Variants in LAMP1 observed in about 807,000 individuals in gnomAD.
The protein encoded by LAMP1 is lysosome-associated membrane glycoprotein 1.
Under a neutral mutation model 37.5 loss-of-function variants are expected in LAMP1, and 7 were observed. That is an observed-to-expected ratio of 0.19 (90% CI 0.11 to 0.35). LAMP1 has a LOEUF of 0.35. Among genes scored for constraint, LAMP1 ranks in the 10% least tolerant of loss-of-function variants. LAMP1 has a pLI of 1.00. For synonymous variants in LAMP1, 236 were observed against 229.1 expected, an observed-to-expected ratio of 1.03 and a Z score of -0.27; for missense variants, 537 against 552.8, an observed-to-expected ratio of 0.97 and a Z score of 0.29.
At chr13:113,315,482 C>T (rs569772435) in intron 4 of LAMP1, among the ~76,000 whole-genome samples, 4 of 150,188 alleles carry the variant, frequency 2.7e-5, no homozygotes, top group East Asian at 4.0e-4. Context: ...CTCTGCCTCC[C>T]GGGTTCAAGC....
At chr13:113,301,948 C>T (rs1250582742) in intron 1 of LAMP1, among the ~76,000 whole-genome samples, 1 of 148,988 alleles carries the variant, frequency 6.7e-6, no homozygotes, top group African/African-American at 2.5e-5. Flanking sequence ...CTGCAAGCTC[C>T]GCCTCCCAGG....
chr13:113,302,554 G>A (rs886314067), intron 1 of LAMP1, among the ~76,000 whole-genome samples: 10 of 152,240 alleles, frequency 6.6e-5, no homozygotes, highest in Non-Finnish European at 1.5e-4. Context: ...AATGTCAAAA[G>A]CGAGTATTTC....
chr13:113,302,198 T>A (rs190066341), intron 1 of LAMP1, among the ~76,000 whole-genome samples: 151 of 151,994 alleles, frequency 9.9e-4, no homozygotes, highest in African/African-American at 3.4e-3. Flanking sequence ...TTTTTTCTTC[T>A]TTTTTTGAGA....
At chr13:113,310,234 TAAA>T (rs1203686294) in intron 3 of LAMP1, among the ~76,000 whole-genome samples, 2 of 139,822 alleles carry the variant, frequency 1.4e-5, no homozygotes, top group African/African-American at 5.4e-5. Flanking sequence ...CTCTAAAAAA[TAAA>T]AAACACACAG....
intron 1 of LAMP1, among the ~76,000 whole-genome samples, chr13:113,303,759 G>T (rs961741671): frequency 1.3e-5 from 2 of 152,102 alleles, no homozygotes; most frequent in Admixed American, 1.3e-4. Context: ...TTATTTAAAT[G>T]ATATTTCTTT....
chr13:113,311,530 T>C (rs1337394028), intron 4 of LAMP1, among the ~76,000 whole-genome samples: 2 of 152,134 alleles, frequency 1.3e-5, no homozygotes, highest in Non-Finnish European at 2.9e-5. Flanking sequence ...CACAGAGACA[T>C]AGTCTTATCT....
intron 4 of LAMP1, among the ~76,000 whole-genome samples, chr13:113,315,158 C>T (rs1244965835): frequency 4.3e-5 from 5 of 115,896 alleles, no homozygotes; most frequent in Admixed American, 9.0e-5. Context: ...CGGAGATGCC[C>T]GTGTGCCTGG....
chr13:113,313,748 GAGTC>G (rs1306022821), intron 4 of LAMP1, among the ~76,000 whole-genome samples: 1 of 119,390 alleles, frequency 8.4e-6, no homozygotes, highest in East Asian at 2.7e-4. Context: ...CTCCTGGAGG[GAGTC>G]AGTGTGGAGA....
chr13:113,322,177 G>A, intron 8 of LAMP1, 105 bp from the exon 9 acceptor site: 1 of 1,311,092 alleles, frequency 7.6e-7, no homozygotes, highest in Non-Finnish European at 1.0e-6. Context: ...TTCCGCCAGG[G>A]TTCCTCTTTG....
In LAMP1 at chr13:113,321,590, G is replaced by T. The variant is rs767455348; in HGVS notation, c.977G>T (p.Arg326Leu). The T allele has an allele frequency of 1.2e-6, 2 of 1,614,100 alleles. No individual in the cohort carries two copies. Among genetic ancestry groups the T allele is most frequent in the South Asian group, 2.2e-5 (2 of 91,068 alleles). The stretch of plus-strand genomic sequence containing the variant: ...TTTAAAGCTGCCAACGGCTCCCTGC[G>T]AGCGCTGCAGGCCACAGTCGGCAAT... Reference protein sequence around the residue: ...PAFKAANGSLRALQATVGNSY... With the variant: ...PAFKAANGSLLALQATVGNSY... Residue 326 changes from arginine (R) to leucine (L), a missense_variant, in exon 8 of 9, where the codon CGA (arginine) becomes CTA (leucine). By Grantham distance (102) the Arg-to-Leu change is moderately radical. Coordinates refer to ENST00000332556, the MANE Select transcript of LAMP1 (RefSeq NM_005561.4). This position sits in a 1 kb window ranked among gnomAD's most constrained non-coding sequence, Gnocchi z 5.6.
chr13:113,315,989 C>G (rs549193932), intron 4 of LAMP1, among the ~76,000 whole-genome samples: 20 of 152,132 alleles, frequency 1.3e-4, no homozygotes, highest in African/African-American at 4.6e-4. Context: ...TGTAGTCCCC[C>G]CTACTCAGGA....
rs1342764825 is a variant in LAMP1, at chr13:113,323,379, C to T, written c.*958C>T. The T allele has an allele frequency of 1.3e-5, 2 of 152,010 alleles. No individual in the cohort carries two copies. Among genetic ancestry groups the T allele is most frequent in the African/African-American group, 4.8e-5 (2 of 41,366 alleles). 9.4% of individuals were successfully genotyped at this position (152,010 alleles called of 1,614,324 possible). A position where few individuals can be genotyped will look rare whatever the true frequency, so the allele number is the denominator to read the frequency against. Reference sequence around the variant, plus strand: ...TTGGGGATTGTACACGGGACCAGCTCACGTAATGCATTGCCTGTAACAATG... The same window carrying T: ...TTGGGGATTGTACACGGGACCAGCTTACGTAATGCATTGCCTGTAACAATG... On this transcript the variant is annotated 3_prime_UTR_variant, in exon 9 of 9. Coordinates refer to ENST00000332556, the MANE Select transcript of LAMP1 (RefSeq NM_005561.4).
chr13:113,319,509 GC>G lies in LAMP1; in HGVS notation c.608del (p.Pro203LeufsTer22). On this transcript the variant is annotated frameshift_variant, in exon 5 of 9. Transcript: ENST00000332556. LOFTEE classifies it high-confidence loss of function. ...AAGACAGGCCTTCCCCAACCACAGC[GC>G]CCCCTGCGCCACCCAGCCCCTCGCC... ...EQDRPSPTTA[P>X]PAPPSPSPSP... is the part of the protein sequence containing the mutation. The G allele has an allele frequency of 6.2e-7, 1 of 1,613,546 alleles. No homozygotes were observed. The highest frequency in any genetic ancestry group is 8.5e-7 in the Non-Finnish European group (1 of 1,179,846).
At position 113,322,401 on chromosome 13, in the gene LAMP1, G is replaced by A. The variant is rs1413521663; in HGVS notation, c.1234G>A (p.Ala412Thr). The change falls in exon 9 of 9, where the codon GCA becomes ACA. Residue 412 changes from alanine (A) to threonine (T), a missense_variant. By Grantham distance (58) the Ala-to-Thr change is moderately conservative. Coordinates refer to ENST00000332556, the MANE Select transcript of LAMP1 (RefSeq NM_005561.4). The stretch of plus-strand genomic sequence containing the variant: ...CCTCGTCGGCAGGAAGAGGAGTCAC[G>A]CAGGCTACCAGACTATCTAGCCTGG... ...AYLVGRKRSH[A>T]GYQTI 8 of 1,613,150 alleles carry A rather than the reference G, an allele frequency of 5.0e-6. No individual in the cohort carries two copies. Among genetic ancestry groups the A allele is most frequent in the East Asian group, 4.5e-5 (2 of 44,816 alleles).
intron 3 of LAMP1, among the ~76,000 whole-genome samples, chr13:113,310,151 C>T (rs2042622244): frequency 6.6e-6 from 1 of 152,026 alleles, no homozygotes; most frequent in African/African-American, 2.4e-5. Context: ...ATCGCTTGAA[C>T]CCAGGAGGCA....
rs957976842 is a variant in LAMP1, at chr13:113,316,225, G to C, written c.563-3244G>C. Among the ~76,000 whole-genome samples the C allele has an allele frequency of 5.3e-5, 8 of 152,192 alleles. 1 individual carries two copies. Among genetic ancestry groups the C allele is most frequent in the Non-Finnish European group, 8.8e-5 (6 of 68,032 alleles). On this transcript the variant is annotated intron_variant, in intron 4 of 8. Transcript: ENST00000332556. ...CGGATTTCCAGCCCAGGCCCATATGGGGTTAGCAGATCTACAGTGAGGCTC... is the reference window on the plus strand; with the variant it reads ...CGGATTTCCAGCCCAGGCCCATATGCGGTTAGCAGATCTACAGTGAGGCTC...
intron 1 of LAMP1, among the ~76,000 whole-genome samples, chr13:113,301,369 C>T (rs1021025453): frequency 3.9e-5 from 6 of 151,974 alleles, no homozygotes; most frequent in African/African-American, 9.7e-5. Context: ...ACGTGTAATC[C>T]TAACACTTTG....
At chr13:113,313,599 G>A (rs370146712) in intron 4 of LAMP1, among the ~76,000 whole-genome samples, 8 of 148,590 alleles carry the variant, frequency 5.4e-5, no homozygotes, top group South Asian at 2.2e-4. Context: ...GTGGCCTCCT[G>A]GAGGGAACCA....
At chr13:113,314,401 G>A (rs1320997107) in intron 4 of LAMP1, among the ~76,000 whole-genome samples, 1 of 118,790 alleles carries the variant, frequency 8.4e-6, no homozygotes, top group Admixed American at 7.9e-5. Flanking sequence ...CATGTGCCTG[G>A]GGCGTGGCCT....
Sources: allele counts gnomAD v4.1 joint callset (sites outside exome capture counted in the v4.1 genomes callset), GRCh38; gene constraint gnomAD v4.1.1; non-coding constraint Gnocchi (gnomAD v3.1); transcripts MANE v1.5; gene names NCBI Gene and HGNC (gene_info 2026-07-23, HGNC 2026-07-21).